The following NRG3 variants were observed in gnomAD, a reference collection of about 807,000 sequenced individuals.
NRG3 encodes the protein pro-neuregulin-3, membrane-bound isoform.
A neutral mutation model predicts 66.9 loss-of-function variants in NRG3; 31 were observed. The observed-to-expected ratio is 0.46, with a 90% CI of 0.35 to 0.63. The LOEUF (loss-of-function observed/expected upper bound fraction) is 0.63. Ranked by LOEUF, NRG3 falls within the 20% of genes least tolerant of loss-of-function variation. The pLI, the probability that NRG3 is intolerant of heterozygous loss-of-function variation, is 0.00. For missense variants in NRG3, 910 were observed against 878.9 expected, an observed-to-expected ratio of 1.04 and a Z score of -0.45; for synonymous variants, 393 against 359.4, an observed-to-expected ratio of 1.09 and a Z score of -1.06.
intron 1 of NRG3, among the ~76,000 whole-genome samples, chr10:81,906,064 G>A: frequency 6.6e-6 from 1 of 152,074 alleles, no homozygotes; most frequent in East Asian, 1.9e-4. Context: ...TTATTAAAAG[G>A]GTACCTTGTT....
At chr10:82,753,948 A>G (rs1232369028) in intron 3 of NRG3, among the ~76,000 whole-genome samples, 1 of 150,344 alleles carries the variant, frequency 6.7e-6, no homozygotes, top group African/African-American at 2.4e-5. Flanking sequence ...TCCATCTCAA[A>G]AAAAAAAAAA....
At chr10:82,084,572 C>G (rs529323274) in intron 1 of NRG3, among the ~76,000 whole-genome samples, 1 of 149,476 alleles carries the variant, frequency 6.7e-6, no homozygotes, top group Non-Finnish European at 1.5e-5. Context: ...CTTCATGCTT[C>G]TGTTGCACTA....
At chr10:82,117,639 C>T (rs2067811108) in intron 1 of NRG3, among the ~76,000 whole-genome samples, 1 of 152,034 alleles carries the variant, frequency 6.6e-6, no homozygotes, top group East Asian at 1.9e-4. Context: ...AGACCCCACC[C>T]TTTTTACCTG....
intron 2 of NRG3, among the ~76,000 whole-genome samples, chr10:82,518,021 C>T (rs529966648): frequency 8.1e-4 from 123 of 152,130 alleles, no homozygotes; most frequent in African/African-American, 2.9e-3. Flanking sequence ...GGCCAGTGGT[C>T]CAAAGTGGAG....
chr10:82,833,308 T>G (rs1433730989), intron 3 of NRG3, among the ~76,000 whole-genome samples: 1 of 152,170 alleles, frequency 6.6e-6, no homozygotes, highest in Admixed American at 6.5e-5. Context: ...AGCATTCTAC[T>G]CAGTCATTTT....
chr10:82,164,832 A>T (rs2071911162), intron 1 of NRG3, among the ~76,000 whole-genome samples: 1 of 152,176 alleles, frequency 6.6e-6, no homozygotes, highest in African/African-American at 2.4e-5. Context: ...ACTTGGTTAT[A>T]GTAGTGTGGA....
chr10:82,510,219 T>G (rs1439091320), intron 2 of NRG3, among the ~76,000 whole-genome samples: 1 of 152,218 alleles, frequency 6.6e-6, no homozygotes, highest in Non-Finnish European at 1.5e-5. Context: ...GATATCTATT[T>G]CACACACTAT....
intron 2 of NRG3, among the ~76,000 whole-genome samples, chr10:82,700,043 AG>A (rs1485273985): frequency 1.3e-5 from 2 of 152,208 alleles, no homozygotes; most frequent in Non-Finnish European, 2.9e-5. Context: ...GAAATTCAAC[AG>A]GGTAAGTACA....
At chr10:82,663,098 G>A (rs1025022445) in intron 2 of NRG3, among the ~76,000 whole-genome samples, 12 of 152,106 alleles carry the variant, frequency 7.9e-5, no homozygotes, top group East Asian at 3.9e-4. Context: ...GAATAATATC[G>A]GATAGGTAAC....
At chr10:82,010,140 C>T (rs981541500) in intron 1 of NRG3, among the ~76,000 whole-genome samples, 2 of 152,058 alleles carry the variant, frequency 1.3e-5, no homozygotes, top group African/African-American at 4.8e-5. Flanking sequence ...AAGGAATTTC[C>T]AATAAGTTAT....
intron 4 of NRG3, among the ~76,000 whole-genome samples, chr10:82,923,701 CT>C (rs149632978): frequency 0.064 from 9,741 of 151,380 alleles, 337 homozygotes; most frequent in East Asian, 0.087. Context: ...ATTAGGAAAG[CT>C]TTTTTTTTCT....
At chr10:82,709,436 C>A (rs2056521451) in intron 2 of NRG3, among the ~76,000 whole-genome samples, 1 of 151,914 alleles carries the variant, frequency 6.6e-6, no homozygotes, top group African/African-American at 2.4e-5. Context: ...GGCTGGAGTG[C>A]TGTGGCGCGA....
chr10:82,887,099 C>T (rs1842784247), intron 4 of NRG3, among the ~76,000 whole-genome samples: 1 of 152,176 alleles, frequency 6.6e-6, no homozygotes, highest in African/African-American at 2.4e-5. Context: ...TGGCTAGGTT[C>T]TACTCCTAGA....
intron 1 of NRG3, among the ~76,000 whole-genome samples, chr10:82,221,237 C>CA (rs368132655): frequency 0.045 from 5,336 of 118,106 alleles, 280 homozygotes; most frequent in African/African-American, 0.14. Flanking sequence ...CACTCACTGC[C>CA]AAAAAAAAAA....
chr10:81,895,424 C>T (rs1047060125), intron 1 of NRG3, among the ~76,000 whole-genome samples: 6 of 152,146 alleles, frequency 3.9e-5, no homozygotes, highest in Admixed American at 3.9e-4. Flanking sequence ...TTAAGCCCCG[C>T]CCCTGCCCAA....
At chr10:82,704,751 A>T (rs1288351352) in intron 2 of NRG3, among the ~76,000 whole-genome samples, 1 of 152,176 alleles carries the variant, frequency 6.6e-6, no homozygotes, top group Admixed American at 6.5e-5. Flanking sequence ...TTTTGCAAAT[A>T]TTACCTCATA....
intron 2 of NRG3, among the ~76,000 whole-genome samples, chr10:82,422,062 C>T (rs1365808416): frequency 6.6e-6 from 1 of 152,028 alleles, no homozygotes; most frequent in Admixed American, 6.6e-5. Context: ...TTTAGTTAAG[C>T]AACAGTGATA....
At chr10:82,205,618 C>T (rs1190478645) in intron 1 of NRG3, among the ~76,000 whole-genome samples, 1 of 152,090 alleles carries the variant, frequency 6.6e-6, no homozygotes, top group Non-Finnish European at 1.5e-5. Flanking sequence ...TGGAAAAGAG[C>T]TCTGGATATT....
intron 1 of NRG3, among the ~76,000 whole-genome samples, chr10:82,066,426 CTAGTT>C (rs1236479232): frequency 3.9e-5 from 6 of 152,134 alleles, no homozygotes; most frequent in Admixed American, 2.6e-4. Context: ...GATTTGCAAT[CTAGTT>C]AAGTTATTTC....
Sources: gnomAD v4.1 joint callset for allele counts (sites outside exome capture counted in the v4.1 genomes callset) on GRCh38, gnomAD v4.1.1 for gene constraint, MANE v1.5 for transcripts, NCBI Gene and HGNC (gene_info 2026-07-23, HGNC 2026-07-21) for gene names.